Variants in ULK4 observed in about 807,000 individuals in gnomAD.
ULK4 encodes the protein unc-51 like kinase 4.
A neutral mutation model predicts 160.6 loss-of-function variants in ULK4; 133 were observed. The observed-to-expected ratio is 0.83, with a 90% confidence interval of 0.72 to 0.96. ULK4 has a LOEUF of 0.96. ULK4 is among the 40% of genes least tolerant of loss of function. ULK4 has a pLI of 0.00. For missense variants in ULK4, 1,580 were observed against 1,499.5 expected (o/e 1.05, Z -0.89); for synonymous variants, 534 against 539.8 (o/e 0.99, Z 0.15).
chr3:41,768,201 T>A (rs549581172), intron 21 of ULK4, among the ~76,000 whole-genome samples: 1 of 152,060 alleles, frequency 6.6e-6, no homozygotes, highest in East Asian at 1.9e-4. Flanking sequence ...CTGGAAAAAA[T>A]TGCCTTTCAC....
intron 2 of ULK4, among the ~76,000 whole-genome samples, chr3:41,945,233 G>A (rs910231187): frequency 1.3e-5 from 2 of 151,926 alleles, no homozygotes; most frequent in Admixed American, 1.3e-4. Context: ...AAACCATACT[G>A]CCTCTGCCTC....
Position 41,647,128 on chromosome 3 carries a change from T to C in ULK4, c.3071+16479A>G, listed in dbSNP as rs374867935. Among the ~76,000 whole-genome samples, 20 of 152,308 alleles carry C rather than the reference T, an allele frequency of 1.3e-4. No individual in the cohort carries two copies. The East Asian group carries it at 2.5e-3, about 19-fold the overall frequency. On this transcript the variant is annotated intron_variant, in intron 30 of 36. Transcript: ENST00000301831. ...TTTTAAAGTTTGTAACTTCTTTGCC[T>C]TGGGTTTGAATTTTCTCCTGTAGCT...
At chr3:41,287,376 G>A (rs555134191) in intron 35 of ULK4, among the ~76,000 whole-genome samples, 9 of 152,160 alleles carry the variant, frequency 5.9e-5, no homozygotes, top group Non-Finnish European at 1.0e-4. Flanking sequence ...CTCAAGAACT[G>A]AAATGATATG....
chr3:41,574,015 T>C (rs1479348162), intron 31 of ULK4, among the ~76,000 whole-genome samples: 3 of 152,296 alleles, frequency 2.0e-5, no homozygotes, highest in African/African-American at 7.2e-5. Flanking sequence ...AAATCCCATC[T>C]CTACTAATAA....
intron 31 of ULK4, among the ~76,000 whole-genome samples, chr3:41,590,509 G>A (rs1021968259): frequency 2.0e-5 from 3 of 146,344 alleles, no homozygotes; most frequent in East Asian, 2.1e-4. Context: ...GGTGGTGTAC[G>A]CCTGTAGTTC....
At chr3:41,605,782 T>A (rs1009213737) in intron 31 of ULK4, among the ~76,000 whole-genome samples, 3 of 151,848 alleles carry the variant, frequency 2.0e-5, no homozygotes, top group African/African-American at 7.3e-5. Context: ...CATAGAACAT[T>A]CCAACGGCAG....
intron 35 of ULK4, among the ~76,000 whole-genome samples, chr3:41,362,305 A>G (rs959772035): frequency 6.6e-6 from 1 of 152,188 alleles, no homozygotes; most frequent in African/African-American, 2.4e-5. Flanking sequence ...TTTAGAACAA[A>G]GACAATTTTA....
At chr3:41,642,976 G>C (rs148353072) in intron 30 of ULK4, among the ~76,000 whole-genome samples, 21,763 of 152,228 alleles carry the variant, frequency 0.14, 1,972 homozygotes, top group Middle Eastern at 0.23. Context: ...TCTGTTGGCT[G>C]CATAAATGTC....
At chr3:41,880,786 T>C (rs1274227642) in intron 17 of ULK4, among the ~76,000 whole-genome samples, 2 of 152,084 alleles carry the variant, frequency 1.3e-5, no homozygotes, top group Admixed American at 1.3e-4. Flanking sequence ...TAGCAGAGCA[T>C]GGTGGCATGA....
chr3:41,786,198 G>A (rs945380341), intron 21 of ULK4, among the ~76,000 whole-genome samples: 2 of 152,070 alleles, frequency 1.3e-5, no homozygotes, highest in African/African-American at 4.8e-5. Context: ...CCTCCTGTTA[G>A]GGCATAAGCA....
At chr3:41,927,337 C>G (rs1699421582) in intron 5 of ULK4, among the ~76,000 whole-genome samples, 1 of 152,116 alleles carries the variant, frequency 6.6e-6, no homozygotes, top group African/African-American at 2.4e-5. Flanking sequence ...TACAAGAGCT[C>G]CTGAAGGAAG....
In ULK4 at chr3:41,854,443, A is replaced by G. The variant is rs537454945; in HGVS notation, c.1657-18472T>C. Among the ~76,000 whole-genome samples, 14 of 152,324 alleles carry G rather than the reference A, an allele frequency of 9.2e-5. No homozygotes were observed. The East Asian group carries it at 2.3e-3, about 25-fold the overall frequency. The stretch of plus-strand genomic sequence containing the variant: ...AGATCTGGGATTAGTAAAGGCCAGT[A>G]GCAGCCCTTATCTGCACAGACAAGG... On this transcript the variant is annotated intron_variant, in intron 17 of 36. Coordinates refer to ENST00000301831, the MANE Select transcript of ULK4 (RefSeq NM_017886.4).
intron 35 of ULK4, among the ~76,000 whole-genome samples, chr3:41,308,090 T>C (rs572351022): frequency 6.3e-4 from 96 of 152,240 alleles, no homozygotes; most frequent in Admixed American, 1.2e-3. Flanking sequence ...CCGAGGAAGC[T>C]TGACTTGCAG....
intron 31 of ULK4, among the ~76,000 whole-genome samples, chr3:41,589,173 AGTGAG>A (rs1380968611): frequency 6.6e-6 from 1 of 152,134 alleles, no homozygotes; most frequent in East Asian, 1.9e-4. Context: ...GAAAAAAATA[AGTGAG>A]GTGAACCTAC....
chr3:41,417,626 T>C (rs925492155), intron 34 of ULK4, among the ~76,000 whole-genome samples: 12 of 152,110 alleles, frequency 7.9e-5, no homozygotes, highest in Non-Finnish European at 1.5e-4. Flanking sequence ...CTGTTACTTT[T>C]TGAGGTATAC....
chr3:41,557,746 C>G (rs193265139), intron 32 of ULK4, among the ~76,000 whole-genome samples: 1 of 151,860 alleles, frequency 6.6e-6, no homozygotes. Flanking sequence ...GCCTGGGTAA[C>G]ACAAGGAGAC....
At chr3:41,612,091 G>A (rs1398052282) in intron 31 of ULK4, among the ~76,000 whole-genome samples, 1 of 152,104 alleles carries the variant, frequency 6.6e-6, no homozygotes, top group Non-Finnish European at 1.5e-5. Context: ...CATTTACATT[G>A]CATTAGGTAT....
At chr3:41,610,142 A>G (rs182789766) in intron 31 of ULK4, among the ~76,000 whole-genome samples, 9,276 of 151,240 alleles carry the variant, frequency 0.061, 951 homozygotes, top group African/African-American at 0.21. Context: ...CAGCCTCCCC[A>G]GTAGTTGGGA....
chr3:41,332,955 G>C (rs2080477371), intron 35 of ULK4, among the ~76,000 whole-genome samples: 1 of 152,104 alleles, frequency 6.6e-6, no homozygotes, highest in African/African-American at 2.4e-5. Context: ...ATATTTTCTA[G>C]TCATCTCATC....
Sources: gnomAD v4.1 joint callset for allele counts (sites outside exome capture counted in the v4.1 genomes callset) on GRCh38, gnomAD v4.1.1 for gene constraint, MANE v1.5 for transcripts, NCBI Gene and HGNC (gene_info 2026-07-23, HGNC 2026-07-21) for gene names.